PTPRT: variants seen among roughly 807,000 people sequenced by gnomAD.
PTPRT encodes the protein receptor-type tyrosine-protein phosphatase T.
PTPRT carries 56 observed loss-of-function variants against 176.8 expected under a neutral mutation model. That is an observed-to-expected ratio of 0.32 (90% CI 0.26 to 0.40). The LOEUF is 0.40. Among genes scored for constraint, PTPRT ranks in the 10% least tolerant of loss-of-function variants. PTPRT has a pLI of 1.00. For synonymous variants in PTPRT, 783 were observed against 739.0 expected (o/e 1.06, Z -0.96); for missense variants, 1,540 against 1,908.2 (o/e 0.81, Z 3.60).
At chr20:42,837,115 C>A (rs2078194281) in intron 2 of PTPRT, among the ~76,000 whole-genome samples, 1 of 152,172 alleles carries the variant, frequency 6.6e-6, no homozygotes, top group Non-Finnish European at 1.5e-5. Context: ...GAGAACAAGG[C>A]CCAAAGCAGG....
intron 11 of PTPRT, among the ~76,000 whole-genome samples, chr20:42,321,642 T>C (rs1028003830): frequency 2.6e-5 from 4 of 152,166 alleles, no homozygotes; most frequent in Non-Finnish European, 4.4e-5. Flanking sequence ...AATTGAAACA[T>C]GTCTTATTTA....
intron 2 of PTPRT, among the ~76,000 whole-genome samples, chr20:42,804,132 AAGCACCTGAACCCCT>A (rs959104430): frequency 1.3e-5 from 2 of 151,982 alleles, no homozygotes; most frequent in African/African-American, 4.8e-5. Flanking sequence ...TCTTGAAATC[AAGCACCTGAACCCCT>A]AGATTTTCTA....
intron 9 of PTPRT, among the ~76,000 whole-genome samples, chr20:42,392,505 C>T (rs1441432497): frequency 6.6e-6 from 1 of 152,108 alleles, no homozygotes; most frequent in Non-Finnish European, 1.5e-5. Context: ...AAAATAACTG[C>T]CATTTTGCAA....
At chr20:42,375,993 T>C (rs189487256) in intron 9 of PTPRT, among the ~76,000 whole-genome samples, 8 of 152,236 alleles carry the variant, frequency 5.3e-5, no homozygotes, top group Admixed American at 2.0e-4. Context: ...GATATAAAGA[T>C]AGCAAAATTC....
At chr20:43,122,138 T>C (rs529690988) in intron 1 of PTPRT, among the ~76,000 whole-genome samples, 7 of 152,284 alleles carry the variant, frequency 4.6e-5, no homozygotes, top group African/African-American at 1.4e-4. Flanking sequence ...GCCTGGGAAT[T>C]TGCATTTCTA....
intron 28 of PTPRT, among the ~76,000 whole-genome samples, chr20:42,085,247 C>T (rs893392715): frequency 2.0e-5 from 3 of 152,056 alleles, no homozygotes; most frequent in Non-Finnish European, 4.4e-5. Flanking sequence ...ATCCTGGGCC[C>T]CAAGTAGTGA....
intron 1 of PTPRT, among the ~76,000 whole-genome samples, chr20:42,891,759 C>T (rs1490016236): frequency 6.6e-6 from 1 of 152,158 alleles, no homozygotes; most frequent in East Asian, 1.9e-4. Flanking sequence ...ATTCGTTGGG[C>T]TCCCACTGTG....
the PTPRT span, among the ~76,000 whole-genome samples, chr20:42,039,433 C>T: frequency 1.2e-4 from 19 of 152,066 alleles, no homozygotes; most frequent in African/African-American, 4.1e-4. Context: ...GCACTTACTC[C>T]TCCTATGTAA....
At chr20:42,761,644 G>A (rs1313633695) in intron 5 of PTPRT, among the ~76,000 whole-genome samples, 1 of 152,170 alleles carries the variant, frequency 6.6e-6, no homozygotes, top group Non-Finnish European at 1.5e-5. Context: ...GCAGAGAGCG[G>A]TCAAGCAATA....
chr20:42,245,245 G>T (rs2056428214), intron 14 of PTPRT, among the ~76,000 whole-genome samples: 1 of 152,216 alleles, frequency 6.6e-6, no homozygotes, highest in Non-Finnish European at 1.5e-5. Context: ...AACTCTGTCA[G>T]TGAGGGGCTC....
At chr20:42,650,502 C>A (rs6030393) in intron 7 of PTPRT, among the ~76,000 whole-genome samples, 107 of 152,230 alleles carry the variant, frequency 7.0e-4, no homozygotes, top group African/African-American at 2.5e-3. Context: ...GTAGAGGGGG[C>A]CTTTTCAAAT....
chr20:42,842,540 C>T (rs1569186051), intron 2 of PTPRT, among the ~76,000 whole-genome samples: 1 of 152,106 alleles, frequency 6.6e-6, no homozygotes. Context: ...CTGCCTCCGC[C>T]CCCCGAGTAG....
chr20:42,586,546 C>T (rs1461342971), intron 7 of PTPRT, among the ~76,000 whole-genome samples: 1 of 152,188 alleles, frequency 6.6e-6, no homozygotes, highest in East Asian at 1.9e-4. Context: ...CTTTTTGCCA[C>T]ACTCAGAGAA....
intron 2 of PTPRT, among the ~76,000 whole-genome samples, chr20:42,843,165 G>C (rs903386238): frequency 1.2e-4 from 18 of 152,336 alleles, no homozygotes; most frequent in Non-Finnish European, 2.1e-4. Context: ...ATTTCTGCCT[G>C]TCTGAGATAA....
intron 7 of PTPRT, among the ~76,000 whole-genome samples, chr20:42,516,242 CTTA>C (rs924033046): frequency 4.5e-5 from 5 of 111,016 alleles, no homozygotes; most frequent in Admixed American, 2.5e-4. Context: ...TACCCTAAAA[CTTA>C]AAGTATAATA....
At chr20:43,127,379 T>C (rs1456899998) in intron 1 of PTPRT, among the ~76,000 whole-genome samples, 1 of 149,772 alleles carries the variant, frequency 6.7e-6, no homozygotes, top group East Asian at 2.0e-4. Context: ...GCCGAGATCT[T>C]GCCACTGCAC....
At chr20:43,089,239 C>T (rs1429541441) in intron 1 of PTPRT, among the ~76,000 whole-genome samples, 1 of 152,208 alleles carries the variant, frequency 6.6e-6, no homozygotes, top group Admixed American at 6.5e-5. Flanking sequence ...GTACATGCTT[C>T]ACTGAGGGTG....
intron 15 of PTPRT, among the ~76,000 whole-genome samples, chr20:42,229,479 C>T (rs1388904372): frequency 6.6e-6 from 1 of 152,148 alleles, no homozygotes; most frequent in East Asian, 1.9e-4. Flanking sequence ...TGATAAATTA[C>T]ATTAAATAAC....
At chr20:42,763,177 T>TG (rs1324687607) in intron 5 of PTPRT, among the ~76,000 whole-genome samples, 1 of 152,230 alleles carries the variant, frequency 6.6e-6, no homozygotes, top group African/African-American at 2.4e-5. Context: ...GTAATGGCCT[T>TG]GCCATTTTGC....
Sources: allele counts gnomAD v4.1 joint callset (sites outside exome capture counted in the v4.1 genomes callset), GRCh38; gene constraint gnomAD v4.1.1; transcripts MANE v1.5; gene names NCBI Gene and HGNC (gene_info 2026-07-23, HGNC 2026-07-21).